COBL: variants seen among roughly 807,000 people sequenced by gnomAD.
COBL encodes protein cordon-bleu.
Under a neutral mutation model 98.8 loss-of-function variants are expected in COBL, and 51 were observed. The observed-to-expected ratio is 0.52, with a 90% CI of 0.41 to 0.65. COBL has a LOEUF of 0.65. COBL is among the 30% of genes least tolerant of loss of function. The pLI is 0.00. For synonymous variants in COBL, 634 were observed against 651.7 expected (o/e 0.97, Z 0.41); for missense variants, 1,617 against 1,617.5 (o/e 1.00, Z 0.01).
At chr7:51,230,639 A>T (rs73328586) in intron 1 of COBL, among the ~76,000 whole-genome samples, 4,060 of 152,154 alleles carry the variant, frequency 0.027, 190 homozygotes, top group African/African-American at 0.093. Context: ...ATTTCCACAC[A>T]CTGAAGATGA....
Position 51,108,371 on chromosome 7 carries a change from C to T in COBL, c.958-23067G>A, listed in dbSNP as rs373836172. ...GTGTGAATACACCACGCTTTATGTG[C>T]TGGACTGTGGAAAGGGATTCGGTTG... On this transcript the variant is annotated intron_variant, in intron 6 of 12. Coordinates refer to ENST00000265136, the MANE Select transcript of COBL (RefSeq NM_015198.5). Among the ~76,000 whole-genome samples the T allele has an allele frequency of 4.6e-5, 7 of 152,272 alleles. No homozygotes were observed. In the South Asian group the frequency reaches 6.2e-4, roughly 14 times the overall value.
intron 7 of COBL, chr7:51,064,383 A>C (rs1478138552): frequency 2.6e-5 from 4 of 152,124 alleles, no homozygotes; most frequent in Admixed American, 1.3e-4. Flanking sequence ...AAGAAATGAA[A>C]GCAGAGTCTC....
In COBL at chr7:51,027,871, T is replaced by C. The variant is rs1787727881; in HGVS notation, c.3225A>G (p.Thr1075=). The C allele has an allele frequency of 2.5e-6, 4 of 1,614,260 alleles. No individual in the cohort carries two copies. The Admixed American group carries it at 5.0e-5, about 20-fold the overall frequency. The change falls in exon 10 of 13, where the codon ACA becomes ACG. Residue 1075 remains threonine (T), a synonymous_variant. Transcript: ENST00000265136. ...AAATACTGTCTGTTTCATTTCCATCTGTAGAGAACACACTGGGCTTTTCCT... is the reference window on the plus strand; with the variant it reads ...AAATACTGTCTGTTTCATTTCCATCCGTAGAGAACACACTGGGCTTTTCCT... The part of the protein sequence containing the change: ...EREEKPSVFS[T]DGNETDSIWP...
At chr7:51,141,097 T>C (rs924259813) in intron 5 of COBL, among the ~76,000 whole-genome samples, 1 of 151,710 alleles carries the variant, frequency 6.6e-6, no homozygotes, top group African/African-American at 2.4e-5. Flanking sequence ...GGAGATGCTG[T>C]ACCTGAAATC....
rs978225942 is a variant in COBL at position 51,089,510 on chromosome 7, G to A, written c.958-4206C>T. ...AGCCTGGGCAACAGGGCAAGACTCC[G>A]TCTTAAAAAAAAACAAAAAACAAAA... On this transcript the variant is annotated intron_variant, in intron 6 of 12. Coordinates refer to ENST00000265136, the MANE Select transcript of COBL (RefSeq NM_015198.5). Among the ~76,000 whole-genome samples the A allele has an allele frequency of 5.7e-5, 5 of 87,256 alleles. No homozygotes were observed. In the East Asian group the frequency reaches 1.2e-3, roughly 20 times the overall value. The allele number at this position is 87,256 out of a possible 152,430, so 57.2% of individuals were successfully genotyped here. A position where few individuals can be genotyped will look rare whatever the true frequency, so the allele number is the denominator to read the frequency against.
rs767027309 is a variant in COBL, at chr7:51,043,644, G to A, written c.1145C>T (p.Pro382Leu). The stretch of plus-strand genomic sequence containing the variant: ...CTCCTCCGCCTCTGACAGCACCTGC[G>A]GGGCTCCATCCGGGCTGCAGTGGCT... ...SGSHCSPDGA[P>L]QVLSEAEETV... Residue 382 changes from proline to leucine, a missense_variant, in exon 8 of 13, where the codon CCG (proline) becomes CTG (leucine). Transcript: ENST00000265136. The A allele has an allele frequency of 2.5e-6, 4 of 1,614,038 alleles. No individual in the cohort carries two copies. Among genetic ancestry groups the A allele is most frequent in the Non-Finnish European group, 3.4e-6 (4 of 1,180,044 alleles).
intron 6 of COBL, among the ~76,000 whole-genome samples, chr7:51,093,242 AAGAG>A (rs1405619375): frequency 6.6e-6 from 1 of 152,244 alleles, no homozygotes; most frequent in Non-Finnish European, 1.5e-5. Flanking sequence ...TTGCAAAAAA[AAGAG>A]AGATACGAAT....
intron 6 of COBL, among the ~76,000 whole-genome samples, chr7:51,101,161 TG>T (rs1241966984): frequency 6.6e-6 from 1 of 152,232 alleles, no homozygotes; most frequent in Non-Finnish European, 1.5e-5. Flanking sequence ...TTCCCAGTCA[TG>T]GTGCTACTCC....
chr7:51,292,997 A>G lies in COBL; in HGVS notation c.41+23596T>C, dbSNP rs1345860174. On this transcript the variant is annotated intron_variant, in intron 1 of 12. Transcript: ENST00000265136. ...TAAACACATGTGATGCGCCAAATCA[A>G]AAAGTTTAGATTTAAAATTCAATAA... Among the ~76,000 whole-genome samples, 3 of 152,272 alleles carry G rather than the reference A, an allele frequency of 2.0e-5. No individual in the cohort carries two copies. The East Asian group carries it at 5.8e-4, about 29-fold the overall frequency.
At chr7:51,088,318 T>C (rs1361201742) in intron 6 of COBL, among the ~76,000 whole-genome samples, 2 of 147,724 alleles carry the variant, frequency 1.4e-5, no homozygotes, top group African/African-American at 5.1e-5. Flanking sequence ...TCTTGAGTAC[T>C]CTTGCCTAAA....
chr7:51,204,958 A>G (rs1290661484), intron 2 of COBL, among the ~76,000 whole-genome samples: 1 of 152,236 alleles, frequency 6.6e-6, no homozygotes, highest in Non-Finnish European at 1.5e-5. Flanking sequence ...TTAACCAAAC[A>G]GGTGAAAGAT....
intron 6 of COBL, among the ~76,000 whole-genome samples, chr7:51,103,411 T>A (rs114088143): frequency 0.014 from 2,130 of 152,276 alleles, 49 homozygotes; most frequent in African/African-American, 0.048. Context: ...TTTCCCTAGT[T>A]TGTCATGGCC....
intron 7 of COBL, among the ~76,000 whole-genome samples, chr7:51,070,392 A>AAAACACACACACACACACAC (rs1792404068): frequency 7.2e-6 from 1 of 138,930 alleles, no homozygotes; most frequent in Non-Finnish European, 1.6e-5. Context: ...AAACAGTTAA[A>AAAACACACACACACACACAC]ACACACACAC....
In COBL at chr7:51,027,743, T is replaced by C. The variant is rs765630425; in HGVS notation, c.3353A>G (p.His1118Arg). The C allele has an allele frequency of 2.5e-6, 4 of 1,613,728 alleles. No homozygotes were observed. The South Asian group carries it at 3.3e-5, about 13-fold the overall frequency. Residue 1118 changes from histidine (H) to arginine (R), a missense_variant, in exon 10 of 13, where the codon CAC becomes CGC. His to Arg is a conservative substitution (Grantham distance 29). Transcript: ENST00000265136. Reference sequence around the variant, plus strand: ...TAGTCTGTCCTTCCCTCCCGCAGAGTGGATGGCTTCCATCAGGGCAGAGTG... The same window carrying C: ...TAGTCTGTCCTTCCCTCCCGCAGAGCGGATGGCTTCCATCAGGGCAGAGTG... ...SLHSALMEAI[H>R]SAGGKDRLRK...
chr7:51,305,915 A>T (rs1430047962), intron 1 of COBL, among the ~76,000 whole-genome samples: 1 of 152,144 alleles, frequency 6.6e-6, no homozygotes, highest in African/African-American at 2.4e-5. Context: ...ACGTGCCTGT[A>T]ATCCCAGCTA....
At position 51,219,941 on chromosome 7, in the gene COBL, C is replaced by T; in HGVS notation, c.45G>A (p.Arg15=). The change falls in exon 2 of 13, where the codon AGG becomes AGA. Residue 15 remains arginine (R), a synonymous_variant. Coordinates refer to ENST00000265136, the MANE Select transcript of COBL (RefSeq NM_015198.5). ...RASAAKPPTG[R]KMKARAPPPP... is the part of the protein sequence containing the mutation. ...GTGGGGGAGCACGAGCCTTCATCTTCCTCCTTAAAAACAACAACACAAAGG... is the reference window on the plus strand; with the variant it reads ...GTGGGGGAGCACGAGCCTTCATCTTTCTCCTTAAAAACAACAACACAAAGG... 1 of 1,609,674 alleles carries T rather than the reference C, an allele frequency of 6.2e-7. No individual in the cohort carries two copies.
chr7:51,189,666 T>C (rs971154292), intron 4 of COBL, among the ~76,000 whole-genome samples: 2 of 151,384 alleles, frequency 1.3e-5, no homozygotes, highest in Admixed American at 6.6e-5. Flanking sequence ...AAATACATTT[T>C]TGTTGGAAAA....
chr7:51,187,331 T>TACACAC (rs1303777271), intron 4 of COBL, among the ~76,000 whole-genome samples: 1 of 101,422 alleles, frequency 9.9e-6, no homozygotes, highest in African/African-American at 3.5e-5. Flanking sequence ...TATATATATA[T>TACACAC]ACACACACAC....
intron 2 of COBL, among the ~76,000 whole-genome samples, chr7:51,204,896 TAAGA>T (rs1243657459): frequency 6.6e-6 from 1 of 152,086 alleles, no homozygotes; most frequent in Non-Finnish European, 1.5e-5. Context: ...AAAAGGAAAT[TAAGA>T]AAGTAGGAAA....
Sources: gnomAD v4.1 joint callset for allele counts (sites outside exome capture counted in the v4.1 genomes callset) on GRCh38, gnomAD v4.1.1 for gene constraint, MANE v1.5 for transcripts, NCBI Gene and HGNC (gene_info 2026-07-23, HGNC 2026-07-21) for gene names.